Variants in COL4A6 observed in about 807,000 individuals in gnomAD.
COL4A6 encodes the protein collagen type IV alpha 6 chain.
Under a neutral mutation model 126.7 loss-of-function variants are expected in COL4A6, and 59 were observed. The observed-to-expected ratio is 0.47, with a 90% CI of 0.38 to 0.58. The LOEUF is 0.58. Ranked by LOEUF, COL4A6 falls within the 20% of genes least tolerant of loss-of-function variation. The pLI, the probability that COL4A6 is intolerant of heterozygous loss-of-function variation, is 0.00. For synonymous variants in COL4A6, 547 were observed against 496.6 expected (o/e 1.10, Z -1.35); for missense variants, 1,285 against 1,337.3 (o/e 0.96, Z 0.61).
chrX:108,351,348 TG>T (rs1244214087), intron 2 of COL4A6, among the ~76,000 whole-genome samples: 10 of 111,139 alleles, frequency 9.0e-5, no homozygotes, highest in Non-Finnish European at 1.5e-4. Flanking sequence ...AATAAATCAT[TG>T]TAGCAATGTG....
chrX:108,279,002 C>A (rs1333049433), intron 3 of COL4A6, among the ~76,000 whole-genome samples: 1 of 111,609 alleles, frequency 9.0e-6, no homozygotes, highest in South Asian at 3.8e-4. Context: ...GCACTAAACA[C>A]GGAAAGGAAC....
upstream of COL4A6, among the ~76,000 whole-genome samples, chrX:108,438,872 A>C (rs976427903): frequency 1.1e-4 from 12 of 112,488 alleles, no homozygotes; most frequent in African/African-American, 3.6e-4. Context: ...AAAGACTCTA[A>C]AGTGGTTAAT....
rs2034434789 is a variant in COL4A6 at position 108,175,032 on chromosome X, A to T, written c.2956+58T>A. The T allele has an allele frequency of 2.7e-6, 3 of 1,115,649 alleles. No homozygotes were observed. The Admixed American group carries it at 9.0e-5, about 34-fold the overall frequency. The allele number at this position is 1,115,649 out of a possible 1,213,427, so 91.9% of individuals were successfully genotyped here. ...AGGGCCTTTGCTCAAGAAGGAAGCC[A>T]AGTTTGGTTATGAAGCCTCTCTTGA... On this transcript the variant is annotated intron_variant, in intron 30 of 44. Coordinates refer to ENST00000334504, the MANE Select transcript of COL4A6 (RefSeq NM_033641.4).
At chrX:108,317,040 T>A (rs2038896375) in intron 2 of COL4A6, among the ~76,000 whole-genome samples, 1 of 112,521 alleles carries the variant, frequency 8.9e-6, no homozygotes, top group African/African-American at 3.2e-5. Context: ...TGAACTGTAG[T>A]GGGGCAAGCA....
At chrX:108,173,016 G>C (rs1015120495) in intron 31 of COL4A6, among the ~76,000 whole-genome samples, 3 of 112,648 alleles carry the variant, frequency 2.7e-5, no homozygotes, top group South Asian at 3.7e-4. Context: ...ATGTGTGCAG[G>C]TGCTGGAGTC....
Position 108,171,990 on chromosome X carries a change from T to C in COL4A6, c.3202+479A>G, listed in dbSNP as rs900993638. 2.7e-5 allele frequency among the ~76,000 whole-genome samples: 3 copies of C among 111,646 alleles called. No individual in the cohort carries two copies. In the South Asian group the frequency reaches 1.2e-3, roughly 43 times the overall value. On this transcript the variant is annotated intron_variant, in intron 32 of 44. Transcript: ENST00000334504. The stretch of plus-strand genomic sequence containing the variant: ...GAGGAACAAGGACTGCAAAAGGGGT[T>C]TGGCCAAAGGGAAAATGTAAATTAA...
intron 3 of COL4A6, among the ~76,000 whole-genome samples, chrX:108,279,736 G>C (rs138567714): frequency 0.013 from 1,425 of 111,380 alleles, 17 homozygotes; most frequent in African/African-American, 0.044. Flanking sequence ...TGACCACATA[G>C]TTGGAAGTAA....
At position 108,346,870 on chromosome X, in the gene COL4A6, T is replaced by C. The variant is rs969891245; in HGVS notation, c.64-36042A>G. On this transcript the variant is annotated intron_variant, in intron 2 of 44. Transcript: ENST00000334504. ...TGAGTGACAGCGGTCGTAGTGATGG[T>C]GGGTCAGGTCAAGATATAAATGTTT... Among the ~76,000 whole-genome samples the C allele has an allele frequency of 5.4e-5, 6 of 111,888 alleles. 1 individual carries two copies. The highest frequency in any genetic ancestry group is 2.8e-4 in the Admixed American group (3 of 10,543).
intron 2 of COL4A6, among the ~76,000 whole-genome samples, chrX:108,361,205 C>G (rs376639453): frequency 4.5e-5 from 5 of 111,311 alleles, no homozygotes; most frequent in Admixed American, 9.6e-5. Flanking sequence ...ATGGTATGAA[C>G]CCTCAGCTCT....
At chrX:108,282,791 T>C (rs2037879816) in intron 3 of COL4A6, among the ~76,000 whole-genome samples, 1 of 109,147 alleles carries the variant, frequency 9.2e-6, no homozygotes, top group African/African-American at 3.3e-5. Flanking sequence ...ATGTGGCACA[T>C]ATACATCATG....
intron 23 of COL4A6, among the ~76,000 whole-genome samples, chrX:108,186,428 A>G (rs764934513): frequency 8.9e-6 from 1 of 112,350 alleles, no homozygotes; most frequent in East Asian, 2.8e-4. Context: ...TCAGATTATT[A>G]TAAGTGTGGT....
chrX:108,176,860 T>G lies in COL4A6; in HGVS notation c.2667A>C (p.Pro889=), dbSNP rs1343920585. The G allele has an allele frequency of 8.3e-7, 1 of 1,209,153 alleles. No homozygotes were observed. The highest frequency in any genetic ancestry group is 1.1e-6 in the Non-Finnish European group (1 of 894,784). The change falls in exon 28 of 45, where the codon CCA becomes CCC. Residue 889 remains proline (P), a synonymous_variant. Transcript: ENST00000334504. ...ACTTACCCTTGGGTCCAGAGAGGGC[T>G]GGCAACCCAGCGACCCCTGGAGAGC... The part of the protein sequence containing the change: ...SPGSPGVAGL[P]ALSGPKGEKG...
At chrX:108,160,749 C>T in intron 42 of COL4A6, 95 bp from the exon 43 acceptor site, 1 of 800,923 alleles carries the variant, frequency 1.2e-6, no homozygotes, top group Non-Finnish European at 1.7e-6. Flanking sequence ...GCATGTTATA[C>T]ACATGTATTA....
chrX:108,274,673 C>T (rs901214990), intron 3 of COL4A6, among the ~76,000 whole-genome samples: 1 of 111,604 alleles, frequency 9.0e-6, no homozygotes, highest in Admixed American at 9.6e-5. Flanking sequence ...GGACTGTGAC[C>T]CAAGCTCATT....
In COL4A6 at chrX:108,193,701, C is replaced by A. The variant is rs1029228864; in HGVS notation, c.1003-4G>T. ...GGCCAATGTCACCCTTTTGACCCTG[C>A]AAAGATTAAGTACATTAAACACAAA... is the stretch of plus-strand genomic sequence containing the variant. On this transcript the variant is annotated splice_polypyrimidine_tract_variant and splice_region_variant and intron_variant, in intron 16 of 44. Transcript: ENST00000334504. 2.3e-5 allele frequency: 28 copies of A among 1,195,097 alleles called. No individual in the cohort carries two copies. Among genetic ancestry groups the A allele is most frequent in the Non-Finnish European group, 2.8e-5 (25 of 882,438 alleles).
chrX:108,238,112 GT>G (rs376912396), intron 3 of COL4A6, among the ~76,000 whole-genome samples: 1,764 of 93,665 alleles, frequency 0.019, 54 homozygotes, highest in African/African-American at 0.065. Context: ...GTGTGTGTGT[GT>G]TTTTTTTTTT....
intron 2 of COL4A6, among the ~76,000 whole-genome samples, chrX:108,377,052 A>G (rs2040451043): frequency 8.9e-6 from 1 of 112,791 alleles, no homozygotes; most frequent in Non-Finnish European, 1.9e-5. Flanking sequence ...TTTGTTGATC[A>G]TTATCGGGCG....
rs1038582360 is a variant in COL4A6, at chrX:108,187,853, G to A, written c.1762C>T (p.Leu588Phe). ...CCTAGGAACGATCAACTTACCGGAAGGCCTGGCAGACCTGGTAAACCTGGT... is the reference window on the plus strand; with the variant it reads ...CCTAGGAACGATCAACTTACCGGAAAGCCTGGCAGACCTGGTAAACCTGGT... ...GVPGLPGLPGLPGDGGQGFPG... is the reference protein window; with the variant it reads ...GVPGLPGLPGFPGDGGQGFPG... The change falls in exon 22 of 45, where the codon CTT (leucine) becomes TTT (phenylalanine). Residue 588 changes from leucine (L) to phenylalanine (F), a missense_variant. Physicochemically the swap from Leu to Phe is conservative, Grantham distance 22 (BLOSUM62 0). Transcript: ENST00000334504. 1 of 1,202,870 alleles carries A rather than the reference G, an allele frequency of 8.3e-7. No individual in the cohort carries two copies.
At chrX:108,373,585 C>G (rs761325525) in intron 2 of COL4A6, among the ~76,000 whole-genome samples, 1 of 111,360 alleles carries the variant, frequency 9.0e-6, no homozygotes, top group Admixed American at 9.5e-5. Context: ...GTCTCCCTGT[C>G]CCTGTTACTC....
Sources: allele counts gnomAD v4.1 joint callset (sites outside exome capture counted in the v4.1 genomes callset), GRCh38; gene constraint gnomAD v4.1.1; transcripts MANE v1.5; gene names NCBI Gene and HGNC (gene_info 2026-07-23, HGNC 2026-07-21).